The following ROBO1 variants were observed in gnomAD, a reference collection of about 807,000 sequenced individuals.
ROBO1 encodes the protein roundabout homolog 1.
ROBO1 carries 149 observed loss-of-function variants against 195.9 expected under a neutral mutation model. The ratio of observed to expected loss-of-function variants is 0.76; its 90% CI spans 0.67 to 0.87. The LOEUF (loss-of-function observed/expected upper bound fraction) is 0.87, where lower values mean the gene tolerates loss of function less well. Ranked by LOEUF, ROBO1 falls within the 40% of genes least tolerant of loss-of-function variation. The pLI is 0.00. For synonymous variants in ROBO1, 816 were observed against 733.2 expected, an observed-to-expected ratio of 1.11 and a Z score of -1.82; for missense variants, 1,933 against 2,068.3, an observed-to-expected ratio of 0.93 and a Z score of 1.27.
chr3:79,724,742 CA>C (rs1702845197), intron 1 of ROBO1, among the ~76,000 whole-genome samples: 3 of 152,194 alleles, frequency 2.0e-5, no homozygotes, highest in Non-Finnish European at 4.4e-5. Flanking sequence ...CCCAGCAAAT[CA>C]TGCCTGAATT....
intron 2 of ROBO1, among the ~76,000 whole-genome samples, chr3:79,390,724 A>T (rs969451812): frequency 6.6e-6 from 1 of 152,070 alleles, no homozygotes; most frequent in Non-Finnish European, 1.5e-5. Context: ...GAGACAGAGG[A>T]GTCTGAGGAG....
At chr3:78,697,270 G>C (rs913989189) in intron 8 of ROBO1, among the ~76,000 whole-genome samples, 1 of 152,088 alleles carries the variant, frequency 6.6e-6, no homozygotes, top group Non-Finnish European at 1.5e-5. Context: ...GAAAGAGGGA[G>C]GGAGGGAGGG....
intron 1 of ROBO1, among the ~76,000 whole-genome samples, chr3:79,734,062 C>A (rs1159067916): frequency 6.6e-6 from 1 of 152,012 alleles, no homozygotes; most frequent in African/African-American, 2.4e-5. Context: ...ATTCTCCTGC[C>A]TCAGCCTTCT....
At chr3:79,187,585 T>G (rs2081463318) in intron 2 of ROBO1, among the ~76,000 whole-genome samples, 1 of 151,946 alleles carries the variant, frequency 6.6e-6, no homozygotes, top group African/African-American at 2.4e-5. Flanking sequence ...TGCAAAGTGT[T>G]GACAGAACTC....
At chr3:79,479,432 A>G (rs1284051270) in intron 2 of ROBO1, among the ~76,000 whole-genome samples, 2 of 152,136 alleles carry the variant, frequency 1.3e-5, no homozygotes, top group Non-Finnish European at 2.9e-5. Flanking sequence ...AGGCGGTAAT[A>G]CTTGCCCACT....
rs142282036 is a variant in ROBO1 at position 78,599,466 on chromosome 3, A to C, written c.4942-539T>G. On this transcript the variant is annotated intron_variant, in intron 30 of 30. Coordinates refer to ENST00000464233, the MANE Select transcript of ROBO1 (RefSeq NM_002941.4). ...TCAGCTTCTACTATAAAAAGTTGTC[A>C]TTTGACACGTATTTATCTACTTGAG... Among the ~76,000 whole-genome samples the C allele has an allele frequency of 2.3e-3, 346 of 152,264 alleles. 4 individuals are homozygous for C. The highest frequency in any genetic ancestry group is 7.5e-3 in the African/African-American group (313 of 41,544).
chr3:78,706,894 C>T (rs112825616), intron 8 of ROBO1, among the ~76,000 whole-genome samples: 2,359 of 152,186 alleles, frequency 0.016, 50 homozygotes, highest in African/African-American at 0.053. Context: ...GTAAAGCTGT[C>T]GACTGGCTGT....
At chr3:79,377,102 C>T (rs2036411682) in intron 2 of ROBO1, among the ~76,000 whole-genome samples, 1 of 151,858 alleles carries the variant, frequency 6.6e-6, no homozygotes, top group East Asian at 1.9e-4. Context: ...CACTGAGAAA[C>T]ATAACACCTA....
chr3:79,204,972 GAATT>G (rs1293880282), intron 2 of ROBO1, among the ~76,000 whole-genome samples: 1 of 141,820 alleles, frequency 7.1e-6, no homozygotes, highest in East Asian at 2.0e-4. Flanking sequence ...TTGACTTGGA[GAATT>G]AGTTAGTTAG....
At chr3:79,501,244 A>G (rs2107500149) in intron 2 of ROBO1, among the ~76,000 whole-genome samples, 1 of 152,300 alleles carries the variant, frequency 6.6e-6, no homozygotes, top group East Asian at 1.9e-4. Context: ...GATGGTCCTC[A>G]AAGTCTAGCC....
Position 78,598,893 on chromosome 3 carries a change from C to T in ROBO1, c.*20G>A. The T allele has an allele frequency of 6.5e-7, 1 of 1,544,878 alleles. No individual in the cohort carries two copies. The highest frequency in any genetic ancestry group is 8.8e-7 in the Non-Finnish European group (1 of 1,135,858). ...GAGTGATGATTTTCACATTAGATCT[C>T]ATAAGCCTCTTGGTTGTCTTCAGCT... On this transcript the variant is annotated 3_prime_UTR_variant, in exon 31 of 31. Coordinates refer to ENST00000464233, the MANE Select transcript of ROBO1 (RefSeq NM_002941.4).
At chr3:79,452,288 G>C (rs1276544682) in intron 2 of ROBO1, among the ~76,000 whole-genome samples, 1 of 151,742 alleles carries the variant, frequency 6.6e-6, no homozygotes, top group African/African-American at 2.4e-5. Flanking sequence ...AAACCACATG[G>C]GGCCCATCAA....
chr3:79,404,179 TC>T (rs2037462359), intron 2 of ROBO1, among the ~76,000 whole-genome samples: 1 of 152,032 alleles, frequency 6.6e-6, no homozygotes, highest in Non-Finnish European at 1.5e-5. Flanking sequence ...CTGAACACTT[TC>T]TCCTGGTTCC....
At chr3:79,181,008 CTTTAA>C (rs2081331191) in intron 2 of ROBO1, among the ~76,000 whole-genome samples, 1 of 152,170 alleles carries the variant, frequency 6.6e-6, no homozygotes, top group South Asian at 2.1e-4. Flanking sequence ...GAGACCGCCA[CTTTAA>C]TTTATATTTG....
intron 4 of ROBO1, among the ~76,000 whole-genome samples, chr3:78,793,210 C>T (rs2084078925): frequency 6.6e-6 from 1 of 151,312 alleles, no homozygotes; most frequent in Non-Finnish European, 1.5e-5. Flanking sequence ...AAGTTAACAT[C>T]AATTAGAACT....
At chr3:78,865,558 G>A (rs1041496560) in intron 4 of ROBO1, among the ~76,000 whole-genome samples, 3 of 148,438 alleles carry the variant, frequency 2.0e-5, no homozygotes, top group Admixed American at 6.8e-5. Context: ...TGCAAGCTCC[G>A]CCTCCCAGGT....
intron 2 of ROBO1, among the ~76,000 whole-genome samples, chr3:79,371,345 A>G (rs115212467): frequency 0.015 from 2,258 of 152,296 alleles, 26 homozygotes; most frequent in Non-Finnish European, 0.025. Context: ...TTGAATACCT[A>G]TTTCCAGAAG....
intron 1 of ROBO1, among the ~76,000 whole-genome samples, chr3:79,757,503 C>A (rs1226764063): frequency 6.9e-6 from 1 of 145,220 alleles, no homozygotes; most frequent in African/African-American, 2.8e-5. Flanking sequence ...CTCTCTCTCT[C>A]TCTCTCCATA....
At chr3:79,442,838 A>G (rs1013497897) in intron 2 of ROBO1, among the ~76,000 whole-genome samples, 1 of 152,142 alleles carries the variant, frequency 6.6e-6, no homozygotes, top group African/African-American at 2.4e-5. Context: ...CTCAGGATGT[A>G]TCATAGAAAC....
Sources: gnomAD v4.1 joint callset for allele counts (sites outside exome capture counted in the v4.1 genomes callset) on GRCh38, gnomAD v4.1.1 for gene constraint, MANE v1.5 for transcripts, NCBI Gene and HGNC (gene_info 2026-07-23, HGNC 2026-07-21) for gene names.